Variants in WWOX observed in about 807,000 individuals in gnomAD.
The protein encoded by WWOX is WW domain containing oxidoreductase, also known as WW domain-containing oxidoreductase.
WWOX carries 69 observed loss-of-function variants against 46.2 expected under a neutral mutation model. The observed-to-expected ratio is 1.49, with a 90% confidence interval of 1.23 to 1.82. WWOX has a LOEUF of 1.82. Ranked by LOEUF, WWOX falls within the 40% of genes most tolerant of loss-of-function variation. The probability of loss-of-function intolerance (pLI) is 0.00; values close to 1 mark genes in which losing one functional copy is unlikely to be tolerated. For missense variants in WWOX, 919 were observed against 542.6 expected (o/e 1.69, Z -6.89); for synonymous variants, 359 against 202.6 (o/e 1.77, Z -6.56).
intron 5 of WWOX, among the ~76,000 whole-genome samples, chr16:78,261,791 T>TCTAG (rs1417721438): frequency 5.8e-5 from 2 of 34,210 alleles, no homozygotes; most frequent in South Asian, 1.7e-3. Context: ...TATCTATCTA[T>TCTAG]ATATATATAT....
chr16:78,705,789 A>G (rs2048316250), intron 8 of WWOX, among the ~76,000 whole-genome samples: 1 of 152,202 alleles, frequency 6.6e-6, no homozygotes, highest in Non-Finnish European at 1.5e-5. Context: ...ACATACATTG[A>G]AAACAAAATG....
intron 8 of WWOX, among the ~76,000 whole-genome samples, chr16:78,575,035 A>T (rs181531291): frequency 4.5e-4 from 1 of 2,198 alleles, no homozygotes; most frequent in African/African-American, 2.2e-3. Flanking sequence ...ATATATATAT[A>T]TATATATATA....
intron 8 of WWOX, among the ~76,000 whole-genome samples, chr16:78,824,512 AC>A (rs2051594064): frequency 6.6e-6 from 1 of 152,170 alleles, no homozygotes. Context: ...TTTGTTTTTC[AC>A]GCTGCTGATA....
At position 78,322,187 on chromosome 16, in the gene WWOX, C is replaced by G. The variant is rs142273665; in HGVS notation, c.517-64673C>G. 2.6e-5 allele frequency among the ~76,000 whole-genome samples: 4 copies of G among 152,120 alleles called. No individual in the cohort carries two copies. In the East Asian group the frequency reaches 5.8e-4, roughly 22 times the overall value. ...GGGGGGAAGACAAGGACAAACAATTCGAAAGAGCAAATGAGCCAAAATCCA... is the reference window on the plus strand; with the variant it reads ...GGGGGGAAGACAAGGACAAACAATTGGAAAGAGCAAATGAGCCAAAATCCA... On this transcript the variant is annotated intron_variant, in intron 5 of 8. Coordinates refer to ENST00000566780, the MANE Select transcript of WWOX (RefSeq NM_016373.4).
At chr16:79,056,736 C>G (rs1182067466) in intron 8 of WWOX, among the ~76,000 whole-genome samples, 3 of 152,164 alleles carry the variant, frequency 2.0e-5, no homozygotes, top group African/African-American at 7.2e-5. Context: ...TCTACCGTAT[C>G]CCTTTAACTC....
chr16:79,106,582 A>ATTTTTTTTTTTTTTTTTTTTTT (rs752318131), intron 8 of WWOX: 12 of 79,524 alleles, frequency 1.5e-4, no homozygotes, highest in African/African-American at 6.4e-4. Context: ...TCTTAAAATA[A>ATTTTTTTTTTTTTTTTTTTTTT]TTTTTTTTTT....
chr16:78,323,068 C>T (rs2080522403), intron 5 of WWOX, among the ~76,000 whole-genome samples: 1 of 152,010 alleles, frequency 6.6e-6, no homozygotes, highest in Admixed American at 6.5e-5. Context: ...AACAGGCGTT[C>T]CTTACCTACA....
intron 8 of WWOX, among the ~76,000 whole-genome samples, chr16:79,140,801 T>C (rs775975005): frequency 6.6e-6 from 1 of 152,142 alleles, no homozygotes; most frequent in Non-Finnish European, 1.5e-5. Flanking sequence ...AGCTGACGTT[T>C]ATACTTCTGA....
chr16:78,493,901 T>C (rs2084847202), intron 8 of WWOX, among the ~76,000 whole-genome samples: 5 of 152,210 alleles, frequency 3.3e-5, no homozygotes, highest in Admixed American at 3.3e-4. Context: ...AATACTTCCC[T>C]ACTAGGTAGA....
intron 5 of WWOX, among the ~76,000 whole-genome samples, chr16:78,385,918 A>G (rs139822774): frequency 1.3e-5 from 2 of 152,194 alleles, no homozygotes; most frequent in Non-Finnish European, 2.9e-5. Flanking sequence ...CCCAGATTTA[A>G]AAGTTGGGAG....
chr16:78,539,226 G>T (rs1387524403), intron 8 of WWOX, among the ~76,000 whole-genome samples: 4 of 152,220 alleles, frequency 2.6e-5, no homozygotes, highest in Non-Finnish European at 5.9e-5. Context: ...ACTGAACTAT[G>T]GTGGTTAGGT....
chr16:78,326,017 G>A (rs771279431), intron 5 of WWOX, among the ~76,000 whole-genome samples: 1 of 152,132 alleles, frequency 6.6e-6, no homozygotes, highest in South Asian at 2.1e-4. Flanking sequence ...AGGAAATGCA[G>A]GCTCAGAGTT....
intron 5 of WWOX, among the ~76,000 whole-genome samples, chr16:78,268,238 T>G (rs183642074): frequency 7.5e-4 from 114 of 152,204 alleles, no homozygotes; most frequent in African/African-American, 2.5e-3. Context: ...ATAGTATTCC[T>G]TAAAAAAAAA....
At chr16:78,996,987 G>A (rs1256355339) in intron 8 of WWOX, among the ~76,000 whole-genome samples, 1 of 152,242 alleles carries the variant, frequency 6.6e-6, no homozygotes, top group African/African-American at 2.4e-5. Context: ...CGCCTTGGCA[G>A]TCCCTCGCTC....
At chr16:79,014,413 C>G (rs553633039) in intron 8 of WWOX, among the ~76,000 whole-genome samples, 5 of 152,264 alleles carry the variant, frequency 3.3e-5, no homozygotes, top group African/African-American at 1.2e-4. Flanking sequence ...TAAATTTTCT[C>G]AAGCTGTCTA....
At chr16:78,170,500 C>G (rs1416467513) in intron 5 of WWOX, among the ~76,000 whole-genome samples, 1 of 152,194 alleles carries the variant, frequency 6.6e-6, no homozygotes, top group South Asian at 2.1e-4. Flanking sequence ...TTTTCTTAAC[C>G]TCTCCAACTG....
Position 79,120,732 on chromosome 16 carries a change from C to G in WWOX, c.1057-90876C>G, listed in dbSNP as rs368835882. ...TGCCTCCATGGTCACTTGGACTTCC[C>G]TTCTGTCTGTCTGAAATTTCCCTCT... is the stretch of plus-strand genomic sequence containing the variant. On this transcript the variant is annotated intron_variant, in intron 8 of 8. Transcript: ENST00000566780. 5.9e-5 allele frequency among the ~76,000 whole-genome samples: 9 copies of G among 152,206 alleles called. No individual in the cohort carries two copies. The East Asian group carries it at 9.7e-4, about 16-fold the overall frequency.
chr16:79,096,014 TA>T (rs1039165568), intron 8 of WWOX, among the ~76,000 whole-genome samples: 4 of 131,494 alleles, frequency 3.0e-5, no homozygotes, highest in African/African-American at 1.3e-4. Context: ...CACACCCGGA[TA>T]ATTTTTTTTT....
intron 5 of WWOX, among the ~76,000 whole-genome samples, chr16:78,358,884 T>TTTA (rs71137890): frequency 6.7e-6 from 1 of 148,768 alleles, no homozygotes; most frequent in African/African-American, 2.4e-5. Flanking sequence ...TTTTTTTTTT[T>TTTA]AACCAGACAT....
Sources: gnomAD v4.1 joint callset for allele counts (sites outside exome capture counted in the v4.1 genomes callset) on GRCh38, gnomAD v4.1.1 for gene constraint, MANE v1.5 for transcripts, NCBI Gene and HGNC (gene_info 2026-07-23, HGNC 2026-07-21) for gene names.